FHIT: variants seen among roughly 807,000 people sequenced by gnomAD.
FHIT encodes the protein fragile histidine triad diadenosine triphosphatase, also known as bis(5'-adenosyl)-triphosphatase.
Under a neutral mutation model 17.9 loss-of-function variants are expected in FHIT, and 19 were observed. The observed-to-expected ratio is 1.06, with a 90% CI of 0.74 to 1.56. The LOEUF is 1.56. FHIT is among the 40% of genes most tolerant of loss of function. The probability of loss-of-function intolerance (pLI) is 0.00; values close to 1 mark genes in which losing one functional copy is unlikely to be tolerated. For missense variants in FHIT, 248 were observed against 189.2 expected (o/e 1.31, Z -1.82); for synonymous variants, 81 against 69.7 (o/e 1.16, Z -0.81).
chr3:60,246,261 T>C (rs1309548347), intron 5 of FHIT, among the ~76,000 whole-genome samples: 2 of 152,038 alleles, frequency 1.3e-5, no homozygotes, highest in African/African-American at 4.8e-5. Flanking sequence ...CTCCAGCAAA[T>C]ATATATAGAG....
chr3:60,800,606 G>A (rs1701152607), intron 4 of FHIT, among the ~76,000 whole-genome samples: 1 of 152,188 alleles, frequency 6.6e-6, no homozygotes, highest in African/African-American at 2.4e-5. Context: ...TTCCCTAGAA[G>A]TACACTCTGA....
At chr3:61,013,111 T>A (rs1188987924) in intron 3 of FHIT, among the ~76,000 whole-genome samples, 1 of 152,146 alleles carries the variant, frequency 6.6e-6, no homozygotes, top group Admixed American at 6.5e-5. Context: ...TTTAAACTTA[T>A]AACAAATTGG....
At chr3:60,092,785 C>T (rs1276721582) in intron 5 of FHIT, among the ~76,000 whole-genome samples, 1 of 152,148 alleles carries the variant, frequency 6.6e-6, no homozygotes, top group Non-Finnish European at 1.5e-5. Flanking sequence ...AGCAAAAGAA[C>T]TCTGTAAGCA....
At chr3:59,844,048 G>A (rs536221425) in intron 8 of FHIT, among the ~76,000 whole-genome samples, 1 of 152,142 alleles carries the variant, frequency 6.6e-6, no homozygotes, top group East Asian at 1.9e-4. Flanking sequence ...CTGGCCATGT[G>A]ACATGCCTGC....
intron 3 of FHIT, among the ~76,000 whole-genome samples, chr3:60,895,553 A>C (rs1207696903): frequency 6.6e-6 from 1 of 152,122 alleles, no homozygotes; most frequent in Non-Finnish European, 1.5e-5. Flanking sequence ...TAGTTGTAAA[A>C]AAGTGATTTT....
At chr3:60,154,354 G>A (rs1349242586) in intron 5 of FHIT, among the ~76,000 whole-genome samples, 1 of 152,162 alleles carries the variant, frequency 6.6e-6, no homozygotes, top group Admixed American at 6.6e-5. Flanking sequence ...AACAGGCCAT[G>A]GTAGGGATGG....
chr3:60,657,312 A>C (rs2213215), intron 4 of FHIT, among the ~76,000 whole-genome samples: 24,559 of 152,094 alleles, frequency 0.16, 2,345 homozygotes, highest in Admixed American at 0.21. Context: ...ATGTTGCTAA[A>C]AGTTCTGTAG....
chr3:60,348,721 G>A (rs1710922570), intron 5 of FHIT, among the ~76,000 whole-genome samples: 1 of 152,180 alleles, frequency 6.6e-6, no homozygotes, highest in African/African-American at 2.4e-5. Context: ...TGGATGCTTG[G>A]CTTAGCCATG....
chr3:61,177,940 T>G (rs984469852), intron 2 of FHIT, among the ~76,000 whole-genome samples: 3 of 151,942 alleles, frequency 2.0e-5, no homozygotes, highest in Admixed American at 6.6e-5. Flanking sequence ...ACTTTCTGGG[T>G]TTTTTTTCCT....
At chr3:60,308,423 G>GGA (rs1708780512) in intron 5 of FHIT, among the ~76,000 whole-genome samples, 1 of 151,428 alleles carries the variant, frequency 6.6e-6, no homozygotes, top group Admixed American at 6.6e-5. Context: ...CAGACCAGGA[G>GGA]GACATCATCC....
chr3:60,480,361 T>C (rs1293729566), intron 5 of FHIT, among the ~76,000 whole-genome samples: 2 of 152,118 alleles, frequency 1.3e-5, no homozygotes, highest in Non-Finnish European at 2.9e-5. Flanking sequence ...CCAGTGCTGG[T>C]CCCTCTCAAA....
At chr3:60,713,547 A>G (rs1577104085) in intron 4 of FHIT, among the ~76,000 whole-genome samples, 1 of 151,516 alleles carries the variant, frequency 6.6e-6, no homozygotes, top group East Asian at 1.9e-4. Context: ...TAATAAAGAA[A>G]AAAAGAGAGA....
At chr3:60,231,662 G>C (rs1315977876) in intron 5 of FHIT, among the ~76,000 whole-genome samples, 1 of 152,138 alleles carries the variant, frequency 6.6e-6, no homozygotes, top group Non-Finnish European at 1.5e-5. Flanking sequence ...TATGTGTCAA[G>C]TGCTTTACGT....
chr3:60,872,993 A>T (rs533130955), intron 3 of FHIT, among the ~76,000 whole-genome samples: 2 of 152,276 alleles, frequency 1.3e-5, no homozygotes. Flanking sequence ...CTCCTGCAAC[A>T]TGACTATAAC....
At chr3:60,255,989 T>C (rs528366671) in intron 5 of FHIT, among the ~76,000 whole-genome samples, 1 of 152,312 alleles carries the variant, frequency 6.6e-6, no homozygotes, top group East Asian at 1.9e-4. Context: ...TGGGTCGGCT[T>C]GCAAGCCTGA....
intron 7 of FHIT, among the ~76,000 whole-genome samples, chr3:59,996,689 G>A (rs1455529243): frequency 1.3e-5 from 2 of 152,044 alleles, no homozygotes; most frequent in African/African-American, 2.4e-5. Context: ...TGAAAGCCTG[G>A]TGGGTATTAG....
chr3:60,088,572 T>G (rs919430755), intron 5 of FHIT, among the ~76,000 whole-genome samples: 1 of 152,200 alleles, frequency 6.6e-6, no homozygotes, highest in African/African-American at 2.4e-5. Context: ...CAGCAAGGTC[T>G]CCTCAGTTTC....
chr3:61,008,202 C>G (rs1156641891), intron 3 of FHIT, among the ~76,000 whole-genome samples: 1 of 152,128 alleles, frequency 6.6e-6, no homozygotes, highest in Non-Finnish European at 1.5e-5. Flanking sequence ...CCAGTTTTTG[C>G]AGGTAATCAA....
intron 5 of FHIT, among the ~76,000 whole-genome samples, chr3:60,496,950 A>T (rs1258730999): frequency 6.7e-6 from 1 of 149,956 alleles, no homozygotes; most frequent in African/African-American, 2.4e-5. Flanking sequence ...GATGCACATT[A>T]AAAACAAATA....
Sources: gnomAD v4.1 joint callset for allele counts (sites outside exome capture counted in the v4.1 genomes callset) on GRCh38, gnomAD v4.1.1 for gene constraint, MANE v1.5 for transcripts, NCBI Gene and HGNC (gene_info 2026-07-23, HGNC 2026-07-21) for gene names.